NEU3: variants seen among roughly 807,000 people sequenced by gnomAD.
The protein encoded by NEU3 is neuraminidase 3, also known as sialidase-3.
Under a neutral mutation model 11.4 loss-of-function variants are expected in NEU3, and 10 were observed. The ratio of observed to expected loss-of-function variants is 0.88; its 90% CI spans 0.54 to 1.49. The LOEUF is 1.49. NEU3 is among the 40% of genes most tolerant of loss of function. The pLI, the probability that NEU3 is intolerant of heterozygous loss-of-function variation, is 0.00. For synonymous variants in NEU3, 212 were observed against 228.2 expected, an observed-to-expected ratio of 0.93 and a Z score of 0.64; for missense variants, 529 against 581.8, an observed-to-expected ratio of 0.91 and a Z score of 0.93.
intron 2 of NEU3, 117 bp downstream of exon 2, chr11:74,994,837 G>A (rs1948772021): frequency 9.9e-7 from 1 of 1,007,714 alleles, no homozygotes; most frequent in Non-Finnish European, 1.5e-6. Flanking sequence ...GGGGAGCAGA[G>A]GCAGAAAAAA....
intron 2 of NEU3, among the ~76,000 whole-genome samples, chr11:74,998,003 G>A (rs931995078): frequency 1.3e-5 from 2 of 152,200 alleles, no homozygotes; most frequent in African/African-American, 2.4e-5. Flanking sequence ...GTGAAAGATG[G>A]GGGACTCTTC....
upstream of NEU3, among the ~76,000 whole-genome samples, chr11:74,987,269 C>T (rs542382499): frequency 6.6e-6 from 1 of 152,134 alleles, no homozygotes; most frequent in African/African-American, 2.4e-5. Context: ...ACATTTTTCT[C>T]CATATGTCGA....
At chr11:75,013,204 G>T (rs1287286105), downstream of NEU3, among the ~76,000 whole-genome samples, 1 of 152,192 alleles carries the variant, frequency 6.6e-6, no homozygotes, top group Non-Finnish European at 1.5e-5. Flanking sequence ...CTGGGAACCA[G>T]TTGATTCAGC....
At chr11:75,002,582 A>G (rs951536956) in intron 2 of NEU3, among the ~76,000 whole-genome samples, 2 of 152,280 alleles carry the variant, frequency 1.3e-5, no homozygotes, top group Admixed American at 6.5e-5. Context: ...AAGTGATAAC[A>G]TATACAGAAA....
At chr11:75,016,977 T>C (rs1164835639) in intron 3 of NEU3, among the ~76,000 whole-genome samples, 4 of 152,138 alleles carry the variant, frequency 2.6e-5, no homozygotes, top group Admixed American at 1.3e-4. Context: ...GGTGAACACA[T>C]CCGACCTAGA....
At chr11:75,004,456 T>A (rs912790574) in intron 2 of NEU3, 1 of 464,248 alleles carries the variant, frequency 2.2e-6, no homozygotes, top group East Asian at 3.5e-5. Flanking sequence ...AGCTGAACTT[T>A]TTTTTCTCTT....
At chr11:74,984,401 A>G (rs549216948), upstream of NEU3, among the ~76,000 whole-genome samples, 1 of 152,296 alleles carries the variant, frequency 6.6e-6, no homozygotes, top group South Asian at 2.1e-4. Context: ...TCTCTGCGTC[A>G]TCATATGGGA....
At position 74,989,192 on chromosome 11, in the gene NEU3, G is replaced by C. The variant is rs1948704091; in HGVS notation, c.94+38G>C. ...GGGAGACAGGAGAGCTCCCCGAGGA[G>C]GACTCAACTGTGGGGACAGGTTGAG... On this transcript the variant is annotated intron_variant, in intron 1 of 2. Coordinates refer to ENST00000294064, the MANE Select transcript of NEU3 (RefSeq NM_006656.6). 3.3e-6 allele frequency: 5 copies of C among 1,497,608 alleles called. No homozygotes were observed. In the South Asian group the frequency reaches 4.8e-5, roughly 14 times the overall value. 92.8% of individuals were successfully genotyped at this position (1,497,608 alleles called of 1,614,324 possible). A position where few individuals can be genotyped will look rare whatever the true frequency, so the allele number is the denominator to read the frequency against.
At chr11:75,014,583 A>G (rs533031655), downstream of NEU3, among the ~76,000 whole-genome samples, 15 of 152,326 alleles carry the variant, frequency 9.8e-5, no homozygotes, top group South Asian at 3.1e-3. Flanking sequence ...TTTCATCTGT[A>G]AAAACTAGAA....
downstream of NEU3, among the ~76,000 whole-genome samples, chr11:75,015,489 T>C (rs1948976793): frequency 6.6e-6 from 1 of 152,118 alleles, no homozygotes; most frequent in Admixed American, 6.5e-5. Context: ...ACAAAAAAAG[T>C]TTCCTGGCCC....
chr11:74,997,445 G>A (rs1448116760), intron 2 of NEU3, among the ~76,000 whole-genome samples: 1 of 152,134 alleles, frequency 6.6e-6, no homozygotes, highest in African/African-American at 2.4e-5. Context: ...GCTATGGCTG[G>A]TCTGATCTTT....
In NEU3 at chr11:75,006,053, TG is replaced by T. The variant is rs763841765; in HGVS notation, c.949del (p.Val317Ter). The part of the protein sequence containing the change: ...CEPPHGCQGS[V>X]VSFRPLEIPH... ...CCCCCACATGGTTGCCAAGGGAGTG[TG>T]GTAAGTTTCCGGCCCCTGGAGATCC... On this transcript the variant is annotated frameshift_variant, in exon 3 of 3. Transcript: ENST00000294064. LOFTEE classifies it low-confidence loss of function (END_TRUNC). 1.2e-6 allele frequency: 2 copies of T among 1,613,810 alleles called. No homozygotes were observed. The highest frequency in any genetic ancestry group is 1.7e-6 in the Non-Finnish European group (2 of 1,179,856).
At chr11:74,996,745 T>C (rs963193509) in intron 2 of NEU3, among the ~76,000 whole-genome samples, 2 of 152,236 alleles carry the variant, frequency 1.3e-5, no homozygotes, top group Admixed American at 1.3e-4. Context: ...TTATGAAATA[T>C]TTCTTAAATA....
At chr11:74,992,421 GA>G (rs1158211882) in intron 1 of NEU3, among the ~76,000 whole-genome samples, 2 of 152,166 alleles carry the variant, frequency 1.3e-5, no homozygotes, top group African/African-American at 4.8e-5. Context: ...GAGGAACCTA[GA>G]AATATTTATT....
At position 75,010,402 on chromosome 11, in the gene NEU3, G is replaced by T. The variant is rs1051101356; in HGVS notation, c.*3910G>T. 3 of 152,192 alleles carry T rather than the reference G, an allele frequency of 2.0e-5. No homozygotes were observed. Among genetic ancestry groups the T allele is most frequent in the Non-Finnish European group, 1.5e-5 (1 of 68,054 alleles). The allele number at this position is 152,192 out of a possible 1,614,324, so 9.4% of individuals were successfully genotyped here. A position where few individuals can be genotyped will look rare whatever the true frequency, so the allele number is the denominator to read the frequency against. ...TGAATGAATGAGTCAACCATCCTTGGCCTCTGGAGCTAATTGAGAAGGCTA... is the reference window on the plus strand; with the variant it reads ...TGAATGAATGAGTCAACCATCCTTGTCCTCTGGAGCTAATTGAGAAGGCTA... On this transcript the variant is annotated 3_prime_UTR_variant, in exon 3 of 3. Transcript: ENST00000294064.
rs1948711671 is a variant in NEU3 at position 74,989,904 on chromosome 11, T to C, written c.94+750T>C. The C allele has an allele frequency of 7.3e-6, 5 of 686,978 alleles. No homozygotes were observed. In the Admixed American group the frequency reaches 1.1e-4, roughly 15 times the overall value. The allele number at this position is 686,978 out of a possible 1,614,324, so 42.6% of individuals were successfully genotyped here. ...GAGCAGCAAGTAATCATTTGAATTC[T>C]CTGCTTAAATGAACCCCAGAGCAGG... On this transcript the variant is annotated intron_variant, in intron 1 of 2. Transcript: ENST00000294064.
At chr11:75,018,504 A>T (rs1375849486) in intron 3 of NEU3, among the ~76,000 whole-genome samples, 1 of 152,148 alleles carries the variant, frequency 6.6e-6, no homozygotes, top group Non-Finnish European at 1.5e-5. Flanking sequence ...CTCCCAGCCT[A>T]CATCTTTCTC....
chr11:75,004,738 T>C (rs1008433086), intron 2 of NEU3, among the ~76,000 whole-genome samples: 5 of 152,194 alleles, frequency 3.3e-5, no homozygotes, highest in African/African-American at 1.2e-4. Context: ...GAAAGCATGG[T>C]TTGAACTAGG....
At chr11:75,003,708 G>A (rs141565109) in intron 2 of NEU3, among the ~76,000 whole-genome samples, 3,191 of 152,152 alleles carry the variant, frequency 0.021, 130 homozygotes, top group African/African-American at 0.073. Context: ...TGGCCAACAT[G>A]GTGAAACCCC....
Sources: gnomAD v4.1 joint callset for allele counts (sites outside exome capture counted in the v4.1 genomes callset) on GRCh38, gnomAD v4.1.1 for gene constraint, MANE v1.5 for transcripts, NCBI Gene and HGNC (gene_info 2026-07-23, HGNC 2026-07-21) for gene names.